Variants in CFAP54 observed in about 807,000 individuals in gnomAD.
The protein encoded by CFAP54 is cilia- and flagella-associated protein 54.
CFAP54 carries 290 observed loss-of-function variants against 370.4 expected under a neutral mutation model. The ratio of observed to expected loss-of-function variants is 0.78; its 90% CI spans 0.71 to 0.86. The LOEUF is 0.86. Among genes scored for constraint, CFAP54 ranks in the 40% least tolerant of loss-of-function variants. The pLI, the probability that CFAP54 is intolerant of heterozygous loss-of-function variation, is 0.00. For synonymous variants in CFAP54, 1,206 were observed against 1,236.5 expected, an observed-to-expected ratio of 0.98 and a Z score of 0.52; for missense variants, 3,399 against 3,528.7, an observed-to-expected ratio of 0.96 and a Z score of 0.93.
intron 22 of CFAP54, among the ~76,000 whole-genome samples, chr12:96,584,799 G>A (rs1956060759): frequency 6.6e-6 from 1 of 152,088 alleles, no homozygotes; most frequent in Non-Finnish European, 1.5e-5. Context: ...AGCAGCTCTA[G>A]GTCTCATACT....
At chr12:96,513,392 C>T (rs910533700) in intron 5 of CFAP54, among the ~76,000 whole-genome samples, 1 of 152,118 alleles carries the variant, frequency 6.6e-6, no homozygotes, top group Admixed American at 6.5e-5. Context: ...AGGAAAGTCC[C>T]GGTTTATGCC....
intron 48 of CFAP54, among the ~76,000 whole-genome samples, chr12:96,710,353 G>A (rs1015718859): frequency 6.6e-6 from 1 of 152,184 alleles, no homozygotes; most frequent in Admixed American, 6.5e-5. Flanking sequence ...AACCTTTACT[G>A]TGTTTGCTAT....
chr12:96,540,913 C>A lies in CFAP54; in HGVS notation c.2003C>A (p.Ala668Glu). 6.6e-7 allele frequency: 1 copy of A among 1,518,750 alleles called. No homozygotes were observed. Among genetic ancestry groups the A allele is most frequent in the Non-Finnish European group, 8.8e-7 (1 of 1,139,000 alleles). The allele number at this position is 1,518,750 out of a possible 1,614,324, so 94.1% of individuals were successfully genotyped here. A position where few individuals can be genotyped will look rare whatever the true frequency, so the allele number is the denominator to read the frequency against. ...KMEDIDIVVVAEVTLRLSEIL... is the reference protein window; with the variant it reads ...KMEDIDIVVVEEVTLRLSEIL... ...GAAGACATTGACATTGTGGTAGTGG[C>A]AGAAGTCACATTACGGTTAAGTGAA... The change falls in exon 14 of 68, where the codon GCA becomes GAA. Residue 668 changes from alanine to glutamate, a missense_variant. Physicochemically the swap from Ala to Glu is moderately radical, Grantham distance 107 (BLOSUM62 -1). This residue lies in a region of CFAP54 where 2,796 missense variants were observed against 2,869.7 expected (regional missense o/e 0.97). Coordinates refer to ENST00000524981, the MANE Select transcript of CFAP54 (RefSeq NM_001306084.2).
Position 96,601,020 on chromosome 12 carries a change from G to C in CFAP54, c.3639+2253G>C, listed in dbSNP as rs146978563. ...TGTTGAATAGGAGTGGTGAGAGAGGGCATCCTTGTCTTGTGCTGCTTTTCA... is the reference window on the plus strand; with the variant it reads ...TGTTGAATAGGAGTGGTGAGAGAGGCCATCCTTGTCTTGTGCTGCTTTTCA... On this transcript the variant is annotated intron_variant, in intron 26 of 67. Transcript: ENST00000524981. Among the ~76,000 whole-genome samples, 1,467 of 152,252 alleles carry C rather than the reference G, an allele frequency of 9.6e-3. 28 individuals are homozygous for C. The highest frequency in any genetic ancestry group is 0.034 in the African/African-American group (1,415 of 41,548).
intron 15 of CFAP54, 25 bp downstream of exon 15, chr12:96,548,003 T>G (rs944782563): frequency 7.4e-6 from 8 of 1,076,138 alleles, no homozygotes; most frequent in Non-Finnish European, 1.0e-5. Flanking sequence ...TTAGAAAATT[T>G]AGGTGAAACA....
intron 66 of CFAP54, among the ~76,000 whole-genome samples, chr12:96,847,023 G>A (rs1959376535): frequency 6.6e-6 from 1 of 152,148 alleles, no homozygotes; most frequent in South Asian, 2.1e-4. Context: ...TGCAAATGGG[G>A]TTCCCAGAAT....
intron 66 of CFAP54, among the ~76,000 whole-genome samples, chr12:96,831,786 G>A (rs1959171943): frequency 6.6e-6 from 1 of 152,116 alleles, no homozygotes; most frequent in Non-Finnish European, 1.5e-5. Context: ...TTCTTGAGTT[G>A]AATTGAATTT....
intron 19 of CFAP54, among the ~76,000 whole-genome samples, chr12:96,568,819 T>C (rs1434648321): frequency 6.6e-6 from 1 of 152,152 alleles, no homozygotes; most frequent in Non-Finnish European, 1.5e-5. Flanking sequence ...GTTTTATTTC[T>C]AATCAATTAA....
chr12:96,753,886 C>T lies in CFAP54; in HGVS notation c.7828C>T (p.Leu2610Phe). 3 of 1,613,344 alleles carry T rather than the reference C, an allele frequency of 1.9e-6. No individual in the cohort carries two copies. The highest frequency in any genetic ancestry group is 1.7e-6 in the Non-Finnish European group (2 of 1,179,590). The part of the protein sequence containing the change: ...VEEHEVEAEI[L>F]FQKGKIERQI... ...GGAACATGAGGTGGAAGCTGAAATC[C>T]TTTTTCAGAAAGGTAAAATGCATCT... Residue 2610 changes from leucine (L) to phenylalanine (F), a missense_variant, in exon 56 of 68, where the codon CTT (leucine) becomes TTT (phenylalanine). Physicochemically the swap from Leu to Phe is conservative, Grantham distance 22. This residue lies in a region of CFAP54 where 2,796 missense variants were observed against 2,869.7 expected (regional missense o/e 0.97). Transcript: ENST00000524981.
chr12:96,803,195 T>C (rs1958840743), intron 63 of CFAP54, among the ~76,000 whole-genome samples: 1 of 152,192 alleles, frequency 6.6e-6, no homozygotes, highest in African/African-American at 2.4e-5. Flanking sequence ...ATATACCCAG[T>C]AATGGGATTG....
rs1484632549 is a variant in CFAP54, at chr12:96,512,299, TTTTATATA to T, written c.740-685_740-678del. 1.2e-3 allele frequency among the ~76,000 whole-genome samples: 140 copies of T among 119,548 alleles called. 5 individuals are homozygous for T. The highest frequency in any genetic ancestry group is 9.7e-3 in the Admixed American group (97 of 9,980). The allele number at this position is 119,548 out of a possible 152,430, so 78.4% of individuals were successfully genotyped here. A position where few individuals can be genotyped will look rare whatever the true frequency, so the allele number is the denominator to read the frequency against. On this transcript the variant is annotated intron_variant, in intron 4 of 67. Coordinates refer to ENST00000524981, the MANE Select transcript of CFAP54 (RefSeq NM_001306084.2). ...ATGATAAGGAAACCATGGGAACCAA[TTTTATATA>T]TATATATATATATATATATATATAT... is the stretch of plus-strand genomic sequence containing the variant.
intron 5 of CFAP54, among the ~76,000 whole-genome samples, chr12:96,517,789 G>C (rs1007034969): frequency 3.3e-5 from 5 of 152,234 alleles, no homozygotes; most frequent in Non-Finnish European, 7.3e-5. Flanking sequence ...CTGGGGTAAA[G>C]CCACAGAAGG....
Position 96,860,876 on chromosome 12 carries a change from G to A in CFAP54, c.9229G>A (p.Ala3077Thr). 2.0e-6 allele frequency: 3 copies of A among 1,534,446 alleles called. No individual in the cohort carries two copies. Among genetic ancestry groups the A allele is most frequent in the African/African-American group, 1.4e-5 (1 of 73,066 alleles). ...CAATCTTGAGAGACTTTTTGATCTG[G>A]CTAATGGTTGCATTTTATCAGGAGG... ...IFNLERLFDLANGCILSGGSL... is the reference protein window; with the variant it reads ...IFNLERLFDLTNGCILSGGSL... Residue 3077 changes from alanine (A) to threonine (T), a missense_variant, in exon 67 of 68, where the codon GCT becomes ACT. This residue lies in a region of CFAP54 where 2,796 missense variants were observed against 2,869.7 expected (regional missense o/e 0.97). Coordinates refer to ENST00000524981, the MANE Select transcript of CFAP54 (RefSeq NM_001306084.2).
At chr12:96,505,502 C>CT (rs58264783) in intron 3 of CFAP54, among the ~76,000 whole-genome samples, 13,626 of 133,448 alleles carry the variant, frequency 0.1, 1,267 homozygotes, top group East Asian at 0.42. Context: ...AATAGCCTCA[C>CT]TTTTTTTTTT....
At chr12:96,707,376 A>G (rs1364505705) in intron 47 of CFAP54, among the ~76,000 whole-genome samples, 1 of 152,194 alleles carries the variant, frequency 6.6e-6, no homozygotes, top group Non-Finnish European at 1.5e-5. Context: ...GTTACATGGT[A>G]TTCAAAGACT....
At chr12:96,771,952 T>G (rs1958467134) in intron 60 of CFAP54, among the ~76,000 whole-genome samples, 1 of 152,156 alleles carries the variant, frequency 6.6e-6, no homozygotes, top group Non-Finnish European at 1.5e-5. Flanking sequence ...GAGAAAATAA[T>G]TGTAAGTATT....
chr12:96,655,986 T>C (rs1956918585), intron 36 of CFAP54, among the ~76,000 whole-genome samples: 1 of 152,144 alleles, frequency 6.6e-6, no homozygotes, highest in South Asian at 2.1e-4. Flanking sequence ...TTTGGGGATA[T>C]AATTCAAAAT....
intron 6 of CFAP54, among the ~76,000 whole-genome samples, chr12:96,521,073 C>A (rs1955305711): frequency 6.6e-6 from 1 of 152,146 alleles, no homozygotes; most frequent in Non-Finnish European, 1.5e-5. Context: ...GGGAATGGAA[C>A]TTTTATAGCG....
chr12:96,518,675 G>T (rs1000578962), intron 5 of CFAP54, among the ~76,000 whole-genome samples: 11 of 152,302 alleles, frequency 7.2e-5, no homozygotes, highest in Admixed American at 6.5e-4. Flanking sequence ...GACAGAGCAA[G>T]ACTCTGTCTA....
Sources: allele counts gnomAD v4.1 joint callset (sites outside exome capture counted in the v4.1 genomes callset), GRCh38; gene constraint gnomAD v4.1.1; regional missense constraint gnomAD v4.1.1; transcripts MANE v1.5; gene names NCBI Gene and HGNC (gene_info 2026-07-23, HGNC 2026-07-21).